FBXO17: variants seen among roughly 807,000 people sequenced by gnomAD.
The protein encoded by FBXO17 is F-box protein 17.
Under a neutral mutation model 34.1 loss-of-function variants are expected in FBXO17, and 43 were observed. The observed-to-expected ratio is 1.26, with a 90% CI of 0.99 to 1.62. The LOEUF is 1.62. FBXO17 is among the 40% of genes most tolerant of loss of function. The probability of loss-of-function intolerance (pLI) is 0.00; values close to 1 mark genes in which losing one functional copy is unlikely to be tolerated. For missense variants in FBXO17, 424 were observed against 386.7 expected (o/e 1.10, Z -0.81); for synonymous variants, 169 against 166.0 (o/e 1.02, Z -0.14).
chr19:38,942,411 C>T lies in FBXO17; in HGVS notation c.*197G>A, dbSNP rs943998616. On this transcript the variant is annotated 3_prime_UTR_variant, in exon 6 of 6. Coordinates refer to ENST00000292852, the MANE Select transcript of FBXO17 (RefSeq NM_024907.7). ...TGAGTAGCTGGGACTACAGGCGGCA[C>T]CACCATGCCTGGCTAATTTTTTAAA... The T allele has an allele frequency of 1.1e-5, 5 of 473,206 alleles. No individual in the cohort carries two copies. Among genetic ancestry groups the T allele is most frequent in the Admixed American group, 4.6e-5 (1 of 21,542 alleles). 29.3% of individuals were successfully genotyped at this position (473,206 alleles called of 1,614,324 possible). A position where few individuals can be genotyped will look rare whatever the true frequency, so the allele number is the denominator to read the frequency against.
intron 1 of FBXO17, among the ~76,000 whole-genome samples, chr19:38,960,341 C>T (rs969960416): frequency 1.3e-5 from 2 of 150,740 alleles, no homozygotes; most frequent in African/African-American, 4.9e-5. Context: ...GCGGTCCTCA[C>T]TTAGGGAACT....
At position 38,944,861 on chromosome 19, in the gene FBXO17, T is replaced by G. The variant is rs1270800339; in HGVS notation, c.693+108A>C. The G allele has an allele frequency of 3.4e-6, 5 of 1,479,328 alleles. No individual in the cohort carries two copies. The East Asian group carries it at 1.1e-4, about 34-fold the overall frequency. The allele number at this position is 1,479,328 out of a possible 1,614,324, so 91.6% of individuals were successfully genotyped here. Reference sequence around the variant, plus strand: ...GAAGGGCTCGATACTTCTTAGCTGTTATGATTATAGATATCCAGGAGTGAC... The same window carrying G: ...GAAGGGCTCGATACTTCTTAGCTGTGATGATTATAGATATCCAGGAGTGAC... On this transcript the variant is annotated intron_variant, in intron 5 of 5. Transcript: ENST00000292852.
chr19:38,953,639 C>T (rs758376516), intron 1 of FBXO17, among the ~76,000 whole-genome samples: 16 of 151,990 alleles, frequency 1.1e-4, no homozygotes, highest in Admixed American at 3.3e-4. Flanking sequence ...CCAGCCTGGG[C>T]GGCAAAGTGA....
At chr19:38,942,826 A>G (rs2144804902) in intron 5 of FBXO17, 75 bp from the exon 6 acceptor site, 1 of 1,545,708 alleles carries the variant, frequency 6.5e-7, no homozygotes, top group Non-Finnish European at 8.7e-7. Context: ...AGATAGGCCC[A>G]AAGGACTGAG....
In FBXO17 at chr19:38,942,581, T is replaced by C. The variant is rs1049785390; in HGVS notation, c.*27A>G. 1.3e-6 allele frequency: 2 copies of C among 1,521,352 alleles called. No individual in the cohort carries two copies. Among genetic ancestry groups the C allele is most frequent in the Non-Finnish European group, 1.8e-6 (2 of 1,138,582 alleles). The allele number at this position is 1,521,352 out of a possible 1,614,324, so 94.2% of individuals were successfully genotyped here. ...ACCTGGCTGCAAGGCTGGTCTTGACTGACAACGTCAGGCAGTAGTCCAGTC... is the reference window on the plus strand; with the variant it reads ...ACCTGGCTGCAAGGCTGGTCTTGACCGACAACGTCAGGCAGTAGTCCAGTC... On this transcript the variant is annotated 3_prime_UTR_variant, in exon 6 of 6. Coordinates refer to ENST00000292852, the MANE Select transcript of FBXO17 (RefSeq NM_024907.7).
chr19:38,967,347 G>A (rs576327834), intron 1 of FBXO17, among the ~76,000 whole-genome samples: 5 of 151,994 alleles, frequency 3.3e-5, no homozygotes, highest in Non-Finnish European at 4.4e-5. Context: ...GGCTGAGGCC[G>A]GAGAATCGCT....
At position 38,950,246 on chromosome 19, in the gene FBXO17, A is replaced by T. The variant is rs1432045726; in HGVS notation, c.74T>A (p.Leu25Gln). 6.6e-7 allele frequency: 1 copy of T among 1,520,694 alleles called. No individual in the cohort carries two copies. The highest frequency in any genetic ancestry group is 8.8e-7 in the Non-Finnish European group (1 of 1,141,906). 94.2% of individuals were successfully genotyped at this position (1,520,694 alleles called of 1,614,324 possible). The change falls in exon 2 of 6, where the codon CTG becomes CAG. Residue 25 changes from leucine to glutamine, a missense_variant. Physicochemically the swap from Leu to Gln is moderately radical, Grantham distance 113. Coordinates refer to ENST00000292852, the MANE Select transcript of FBXO17 (RefSeq NM_024907.7). The part of the protein sequence containing the change: ...SLALDALPPE[L>Q]LVQVLSHVPP... Reference sequence around the variant, plus strand: ...CACGTGGCTCAGCACCTGCACCAGCAGCTCCGGGGGCAGCGCGTCCAGGGC... The same window carrying T: ...CACGTGGCTCAGCACCTGCACCAGCTGCTCCGGGGGCAGCGCGTCCAGGGC...
At chr19:38,946,746 T>C in intron 3 of FBXO17, 179 bp from the exon 4 acceptor site, 1 of 868,086 alleles carries the variant, frequency 1.2e-6, no homozygotes, top group Non-Finnish European at 1.7e-6. Context: ...CCTCTTGGAG[T>C]CCCTTTGCCA....
chr19:38,973,648 A>G (rs1027366229), intron 1 of FBXO17, among the ~76,000 whole-genome samples: 4 of 152,190 alleles, frequency 2.6e-5, no homozygotes, highest in Non-Finnish European at 5.9e-5. Flanking sequence ...TGAAGAAATT[A>G]ATATTTACAT....
chr19:38,965,681 AT>A (rs1456366703), intron 1 of FBXO17, among the ~76,000 whole-genome samples: 2 of 151,944 alleles, frequency 1.3e-5, no homozygotes, highest in African/African-American at 4.8e-5. Flanking sequence ...TAATTTTTGT[AT>A]TTTTAGTAGA....
chr19:38,968,177 G>C (rs1975344848), intron 1 of FBXO17, among the ~76,000 whole-genome samples: 1 of 151,994 alleles, frequency 6.6e-6, no homozygotes, highest in African/African-American at 2.4e-5. Flanking sequence ...AAACTAGCCG[G>C]GTATGGTGGT....
chr19:38,967,742 T>C (rs1975339475), intron 1 of FBXO17, among the ~76,000 whole-genome samples: 1 of 152,006 alleles, frequency 6.6e-6, no homozygotes, highest in South Asian at 2.1e-4. Flanking sequence ...AATTGTTGAA[T>C]TTTCTATAGA....
chr19:38,948,498 T>G (rs1975019883), intron 3 of FBXO17, 69 bp downstream of exon 3: 1 of 1,202,556 alleles, frequency 8.3e-7, no homozygotes, highest in African/African-American at 1.5e-5. Context: ...GAGGACAGTG[T>G]GGGGGGTAGG....
chr19:38,957,669 T>A (rs1975187355), intron 1 of FBXO17, among the ~76,000 whole-genome samples: 1 of 152,200 alleles, frequency 6.6e-6, no homozygotes, highest in South Asian at 2.1e-4. Context: ...AGGAGTGTGT[T>A]CCCACTGGCA....
At chr19:38,964,894 T>C (rs12151188) in intron 1 of FBXO17, among the ~76,000 whole-genome samples, 116,764 of 152,116 alleles carry the variant, frequency 0.77, 45,893 homozygotes, top group East Asian at 0.97. Context: ...AGACTGTTTT[T>C]GTCCCTGCTA....
rs1974987333 is a variant in FBXO17, at chr19:38,946,577, A to G, written c.462-10T>C. 1 of 1,613,442 alleles carries G rather than the reference A, an allele frequency of 6.2e-7. No homozygotes were observed. Among genetic ancestry groups the G allele is most frequent in the African/African-American group, 1.3e-5 (1 of 74,758 alleles). On this transcript the variant is annotated splice_polypyrimidine_tract_variant and intron_variant, in intron 3 of 5. Coordinates refer to ENST00000292852, the MANE Select transcript of FBXO17 (RefSeq NM_024907.7). ...CCTCTTGGAGCACCATCTGGGAAGG[A>G]GAGATGGCAGGGGGCAGGGCAAACA...
chr19:38,967,418 C>A (rs1282410476), intron 1 of FBXO17, among the ~76,000 whole-genome samples: 2 of 151,664 alleles, frequency 1.3e-5, no homozygotes, highest in African/African-American at 4.9e-5. Context: ...CCAGCCTGGG[C>A]AACAAGAGTG....
In FBXO17 at chr19:38,950,345, CGA is replaced by C. The variant is rs749171230; in HGVS notation, c.-17-11_-17-10del. 11 of 1,402,984 alleles carry C rather than the reference CGA, an allele frequency of 7.8e-6. No homozygotes were observed. In the African/African-American group the frequency reaches 1.5e-4, roughly 19 times the overall value. 86.9% of individuals were successfully genotyped at this position (1,402,984 alleles called of 1,614,324 possible). Reference sequence around the variant, plus strand: ...CTCCAGTAGCCAGAGTCCTGCAGGTCGAGAGGGGTCGGTAGGCGGGTCAGCGC... The same window carrying C: ...CTCCAGTAGCCAGAGTCCTGCAGGTCGAGGGGTCGGTAGGCGGGTCAGCGC... On this transcript the variant is annotated splice_polypyrimidine_tract_variant and intron_variant, in intron 1 of 5. Transcript: ENST00000292852.
chr19:38,943,094 C>A (rs796659032), intron 5 of FBXO17, among the ~76,000 whole-genome samples: 1 of 151,978 alleles, frequency 6.6e-6, no homozygotes, highest in African/African-American at 2.4e-5. Context: ...GCAGCAGGAA[C>A]GGCCCGCGCA....
Sources: allele counts gnomAD v4.1 joint callset (sites outside exome capture counted in the v4.1 genomes callset), GRCh38; gene constraint gnomAD v4.1.1; transcripts MANE v1.5; gene names NCBI Gene and HGNC (gene_info 2026-07-23, HGNC 2026-07-21).